NELL1: variants seen among roughly 807,000 people sequenced by gnomAD.
NELL1 encodes neural EGFL like 1.
A neutral mutation model predicts 107.4 loss-of-function variants in NELL1; 76 were observed. The ratio of observed to expected loss-of-function variants is 0.71; its 90% CI spans 0.59 to 0.86. The LOEUF (loss-of-function observed/expected upper bound fraction) is 0.86. Among genes scored for constraint, NELL1 ranks in the 40% least tolerant of loss-of-function variants. NELL1 has a pLI of 0.00. For missense variants in NELL1, 1,024 were observed against 1,005.5 expected (o/e 1.02, Z -0.25); for synonymous variants, 353 against 341.2 (o/e 1.03, Z -0.38).
chr11:20,834,941 T>A (rs1411389618), intron 3 of NELL1, among the ~76,000 whole-genome samples: 1 of 152,180 alleles, frequency 6.6e-6, no homozygotes, highest in Non-Finnish European at 1.5e-5. Flanking sequence ...AAGGGCCATA[T>A]GTCAGTGGTT....
intron 16 of NELL1, among the ~76,000 whole-genome samples, chr11:21,546,338 C>G (rs894696020): frequency 1.3e-5 from 2 of 151,968 alleles, no homozygotes. Context: ...GCAATTGTTT[C>G]ATTACAGAAA....
chr11:20,959,767 G>T (rs1851252477), intron 11 of NELL1, among the ~76,000 whole-genome samples: 2 of 152,128 alleles, frequency 1.3e-5, no homozygotes, highest in Non-Finnish European at 2.9e-5. Context: ...CACCGCTAAA[G>T]AACTTATGTA....
chr11:21,116,731 G>A (rs984676497), intron 13 of NELL1, among the ~76,000 whole-genome samples: 14 of 151,770 alleles, frequency 9.2e-5, no homozygotes, highest in African/African-American at 2.2e-4. Flanking sequence ...TACCCTTTAC[G>A]TCTTGTCCTA....
chr11:21,259,786 T>G (rs928444196), intron 14 of NELL1, among the ~76,000 whole-genome samples: 1 of 151,984 alleles, frequency 6.6e-6, no homozygotes, highest in Admixed American at 6.6e-5. Flanking sequence ...AGAATTAGCT[T>G]GCATAGCTTT....
intron 14 of NELL1, among the ~76,000 whole-genome samples, chr11:21,350,948 C>T (rs888170209): frequency 2.6e-5 from 4 of 151,980 alleles, no homozygotes; most frequent in Non-Finnish European, 4.4e-5. Context: ...GGACCTTTAC[C>T]GGTGTAGTTA....
chr11:21,548,391 G>A (rs1039840659), intron 16 of NELL1, among the ~76,000 whole-genome samples: 1 of 151,900 alleles, frequency 6.6e-6, no homozygotes, highest in African/African-American at 2.4e-5. Context: ...AATTCCAAAA[G>A]ACAGAGGTTT....
At chr11:21,503,503 C>T (rs538146793) in intron 15 of NELL1, among the ~76,000 whole-genome samples, 62 of 152,248 alleles carry the variant, frequency 4.1e-4, no homozygotes, top group Admixed American at 1.6e-3. Flanking sequence ...GCAAGTTCTC[C>T]TATCTATGTG....
At chr11:21,293,349 A>C (rs1040229964) in intron 14 of NELL1, among the ~76,000 whole-genome samples, 1 of 152,234 alleles carries the variant, frequency 6.6e-6, no homozygotes, top group Non-Finnish European at 1.5e-5. Flanking sequence ...ATCACTGGTC[A>C]TTAGAGAAAT....
chr11:21,397,400 T>C (rs1852005585), intron 15 of NELL1, among the ~76,000 whole-genome samples: 1 of 151,416 alleles, frequency 6.6e-6, no homozygotes, highest in Non-Finnish European at 1.5e-5. Context: ...AATGGGAAAA[T>C]ATGGAAAAGC....
intron 3 of NELL1, among the ~76,000 whole-genome samples, chr11:20,797,994 G>A (rs1857207124): frequency 6.6e-6 from 1 of 152,204 alleles, no homozygotes; most frequent in South Asian, 2.1e-4. Context: ...GCCATCTAGA[G>A]ATGCTGCCAA....
chr11:21,029,016 C>T (rs1590558538), intron 12 of NELL1, among the ~76,000 whole-genome samples: 1 of 152,234 alleles, frequency 6.6e-6, no homozygotes. Flanking sequence ...AGTTACTGCT[C>T]CTTTCCAATT....
rs3045512 is a variant in NELL1, at chr11:20,806,252, T to TTG, written c.335+22454_335+22455dup. Among the ~76,000 whole-genome samples the TTG allele has an allele frequency of 3.5e-3, 527 of 148,690 alleles. 5 individuals carry two copies. The highest frequency in any genetic ancestry group is 0.012 in the African/African-American group (494 of 40,608). On this transcript the variant is annotated intron_variant, in intron 3 of 19. Coordinates refer to ENST00000357134, the MANE Select transcript of NELL1 (RefSeq NM_006157.5). The stretch of plus-strand genomic sequence containing the variant: ...TATTTCTCCTTCATGTGTGAAGCAT[T>TTG]TGTGTGTGTGTGTGTGTGTGTGTGT...
At chr11:21,295,106 G>T (rs78770014) in intron 14 of NELL1, among the ~76,000 whole-genome samples, 4,500 of 152,132 alleles carry the variant, frequency 0.03, 233 homozygotes, top group African/African-American at 0.1. Flanking sequence ...AGGTATGGTT[G>T]TAATTGGTTT....
chr11:20,965,197 A>G (rs1178807393), intron 12 of NELL1, among the ~76,000 whole-genome samples: 3 of 152,178 alleles, frequency 2.0e-5, no homozygotes, highest in Non-Finnish European at 2.9e-5. Context: ...CAGATTTTTT[A>G]CAGACCACAA....
intron 12 of NELL1, among the ~76,000 whole-genome samples, chr11:21,021,325 A>G (rs559972717): frequency 2.6e-5 from 4 of 152,086 alleles, no homozygotes; most frequent in East Asian, 3.9e-4. Flanking sequence ...TAAAACTTCA[A>G]TATCTCTTTC....
intron 1 of NELL1, chr11:20,674,413 A>C: frequency 8.8e-7 from 1 of 1,136,510 alleles, no homozygotes; most frequent in East Asian, 2.6e-5. Context: ...AGTTTCCCCG[A>C]GTCCTCATGA....
Position 20,884,893 on chromosome 11 carries a change from G to A in NELL1, c.507-551G>A, listed in dbSNP as rs1236469632. ...TTGGTTGGACGATGACTTAAGCTGT[G>A]TAGTTCTGTAGACTAAAAACATGAT... is the stretch of plus-strand genomic sequence containing the variant. On this transcript the variant is annotated intron_variant, in intron 4 of 19. Transcript: ENST00000357134. 2.6e-5 allele frequency among the ~76,000 whole-genome samples: 4 copies of A among 152,190 alleles called. No homozygotes were observed. The East Asian group carries it at 7.7e-4, about 29-fold the overall frequency.
intron 4 of NELL1, among the ~76,000 whole-genome samples, chr11:20,852,998 C>G (rs1212247261): frequency 6.6e-6 from 1 of 152,196 alleles, no homozygotes; most frequent in Non-Finnish European, 1.5e-5. Flanking sequence ...TCCTGGGGGA[C>G]TTGGAGTAAC....
At chr11:20,954,905 G>T (rs1851140406) in intron 11 of NELL1, among the ~76,000 whole-genome samples, 1 of 152,124 alleles carries the variant, frequency 6.6e-6, no homozygotes, top group Non-Finnish European at 1.5e-5. Context: ...TTTGTTCCAG[G>T]CTGTCAGATG....
Sources: gnomAD v4.1 joint callset for allele counts (sites outside exome capture counted in the v4.1 genomes callset) on GRCh38, gnomAD v4.1.1 for gene constraint, MANE v1.5 for transcripts, NCBI Gene and HGNC (gene_info 2026-07-23, HGNC 2026-07-21) for gene names.